SEC24D: variants seen among roughly 807,000 people sequenced by gnomAD.
The protein encoded by SEC24D is protein transport protein Sec24D.
A neutral mutation model predicts 116.9 loss-of-function variants in SEC24D; 69 were observed. The ratio of observed to expected loss-of-function variants is 0.59; its 90% CI spans 0.49 to 0.72. The LOEUF is 0.72. Ranked by LOEUF, SEC24D falls within the 30% of genes least tolerant of loss-of-function variation. SEC24D has a pLI of 0.00. For synonymous variants in SEC24D, 405 were observed against 442.8 expected, an observed-to-expected ratio of 0.91 and a Z score of 1.07; for missense variants, 1,131 against 1,264.1, an observed-to-expected ratio of 0.89 and a Z score of 1.60.
intron 13 of SEC24D, among the ~76,000 whole-genome samples, chr4:118,749,212 T>C (rs1008046629): frequency 6.6e-6 from 1 of 152,186 alleles, no homozygotes; most frequent in African/African-American, 2.4e-5. Flanking sequence ...GAGTACAAGA[T>C]GCTGTGGACA....
At chr4:118,723,783 T>C in intron 22 of SEC24D, 128 bp from the exon 23 acceptor site, 1 of 1,037,292 alleles carries the variant, frequency 9.6e-7, no homozygotes, top group Non-Finnish European at 1.4e-6. Flanking sequence ...CTATGGAGGA[T>C]GATGGGAAAG....
At chr4:118,738,961 G>C (rs1726098232) in intron 18 of SEC24D, among the ~76,000 whole-genome samples, 188 bp downstream of exon 18, 1 of 152,172 alleles carries the variant, frequency 6.6e-6, no homozygotes, top group African/African-American at 2.4e-5. Flanking sequence ...GCCAGACCCT[G>C]AACTGAGTTA....
rs117391948 is a variant in SEC24D at position 118,814,002 on chromosome 4, G to A, written c.801+1026C>T. Among the ~76,000 whole-genome samples the A allele has an allele frequency of 9.9e-4, 151 of 152,312 alleles. 1 individual carries two copies. In the East Asian group the frequency reaches 0.024, roughly 24 times the overall value. ...AACAGTAGTGCTAAGCTACTGTTTTGTAGCAGTTGGTTACACAGCATAAGT... is the reference window on the plus strand; with the variant it reads ...AACAGTAGTGCTAAGCTACTGTTTTATAGCAGTTGGTTACACAGCATAAGT... On this transcript the variant is annotated intron_variant, in intron 6 of 22. Coordinates refer to ENST00000280551, the MANE Select transcript of SEC24D (RefSeq NM_014822.4).
intron 7 of SEC24D, among the ~76,000 whole-genome samples, chr4:118,804,702 C>G (rs1017094067): frequency 2.0e-5 from 3 of 151,702 alleles, no homozygotes; most frequent in African/African-American, 7.3e-5. Flanking sequence ...GAGGAAGAAA[C>G]AAATTATTTT....
chr4:118,761,946 A>G (rs1727400278), intron 10 of SEC24D, among the ~76,000 whole-genome samples: 1 of 152,188 alleles, frequency 6.6e-6, no homozygotes, highest in Non-Finnish European at 1.5e-5. Context: ...GACATTTCTT[A>G]TCAGGTCTAT....
chr4:118,762,375 C>A (rs755832093), intron 10 of SEC24D, among the ~76,000 whole-genome samples: 5 of 152,130 alleles, frequency 3.3e-5, no homozygotes, highest in Non-Finnish European at 7.3e-5. Context: ...CTGGCACTTA[C>A]GCGGTCTCTA....
At chr4:118,827,070 T>C (rs552897769) in intron 2 of SEC24D, among the ~76,000 whole-genome samples, 3 of 152,240 alleles carry the variant, frequency 2.0e-5, no homozygotes, top group South Asian at 2.1e-4. Context: ...TTTCTTCATA[T>C]AGAAGACAGG....
At position 118,740,677 on chromosome 4, in the gene SEC24D, C is replaced by T. The variant is rs778584339; in HGVS notation, c.2224G>A (p.Gly742Arg). Residue 742 changes from glycine (G) to arginine (R), a missense_variant, in exon 17 of 23, where the codon GGA becomes AGA. Transcript: ENST00000280551. ...CTTTCAATCACCTGGATTAAGGCTC[C>T]ACTGTCTTCACTGAGTTTGTCATCG... is the stretch of plus-strand genomic sequence containing the variant. ...KHDDKLSEDS[G>R]ALIQCAVLYT... The T allele has an allele frequency of 6.2e-7, 1 of 1,613,772 alleles. No individual in the cohort carries two copies. Among genetic ancestry groups the T allele is most frequent in the Non-Finnish European group, 8.5e-7 (1 of 1,179,782 alleles).
At chr4:118,827,160 G>C (rs1730623019) in intron 2 of SEC24D, among the ~76,000 whole-genome samples, 1 of 152,174 alleles carries the variant, frequency 6.6e-6, no homozygotes, top group East Asian at 1.9e-4. Flanking sequence ...GGAAAGGCTT[G>C]GTGTGGAGAG....
intron 8 of SEC24D, among the ~76,000 whole-genome samples, chr4:118,770,777 T>G (rs1727866588): frequency 6.6e-6 from 1 of 152,204 alleles, no homozygotes; most frequent in African/African-American, 2.4e-5. Context: ...ATTCCAGTCC[T>G]GACAGATTCA....
chr4:118,817,473 T>C, intron 3 of SEC24D, 61 bp from the exon 4 acceptor site: 9 of 1,420,828 alleles, frequency 6.3e-6, no homozygotes, highest in Non-Finnish European at 8.6e-6. Context: ...TGGCGTACAA[T>C]AATGTTAATA....
chr4:118,798,603 TTA>T (rs1356063682), intron 7 of SEC24D, among the ~76,000 whole-genome samples: 1 of 152,224 alleles, frequency 6.6e-6, no homozygotes, highest in African/African-American at 2.4e-5. Flanking sequence ...CTTGCAGAGC[TTA>T]TGTTCTTGCA....
In SEC24D at chr4:118,836,007, C is replaced by G. The variant is rs1731082250; in HGVS notation, c.-108G>C. ...GGCTCTGCGCCTAGTGCCGGCAGCC[C>G]TCGGTGGCCGGGCTCCCGCTGCGGT... On this transcript the variant is annotated 5_prime_UTR_variant, in exon 1 of 23. Transcript: ENST00000280551. The G allele has an allele frequency of 6.6e-6, 1 of 152,290 alleles. No homozygotes were observed. The highest frequency in any genetic ancestry group is 2.1e-4 in the South Asian group (1 of 4,838). The allele number at this position is 152,290 out of a possible 1,614,324, so 9.4% of individuals were successfully genotyped here.
intron 2 of SEC24D, among the ~76,000 whole-genome samples, chr4:118,832,657 G>A (rs1225929170): frequency 1.3e-5 from 2 of 152,118 alleles, no homozygotes; most frequent in Non-Finnish European, 2.9e-5. Flanking sequence ...CAGACATTCA[G>A]TTTTCCTAGC....
At chr4:118,791,897 G>T (rs1728928008) in intron 8 of SEC24D, among the ~76,000 whole-genome samples, 1 of 152,178 alleles carries the variant, frequency 6.6e-6, no homozygotes, top group Non-Finnish European at 1.5e-5. Context: ...CCAGGCGCCT[G>T]CCCTGGCCTC....
chr4:118,771,976 T>C (rs1275229241), intron 8 of SEC24D, among the ~76,000 whole-genome samples: 4 of 152,310 alleles, frequency 2.6e-5, no homozygotes, highest in African/African-American at 9.6e-5. Context: ...AGAGCTCTTT[T>C]TAAAGCTCTT....
chr4:118,726,778 T>C (rs1276332589), intron 22 of SEC24D, among the ~76,000 whole-genome samples: 1 of 144,078 alleles, frequency 6.9e-6, no homozygotes, highest in African/African-American at 2.9e-5. Flanking sequence ...GGTAGAAATC[T>C]TTTTTTGTTG....
At chr4:118,784,746 C>T (rs563301360) in intron 8 of SEC24D, among the ~76,000 whole-genome samples, 152 of 151,622 alleles carry the variant, frequency 1.0e-3, no homozygotes, top group Non-Finnish European at 1.9e-3. Flanking sequence ...CCTGCCCCCC[C>T]CCCCGCCACC....
chr4:118,773,195 ATCCTAGGAC>A (rs1727987664), intron 8 of SEC24D, among the ~76,000 whole-genome samples: 1 of 151,696 alleles, frequency 6.6e-6, no homozygotes, highest in Non-Finnish European at 1.5e-5. Flanking sequence ...TGTAATCAGC[ATCCTAGGAC>A]TCTACAGTTG....
Sources: gnomAD v4.1 joint callset for allele counts (sites outside exome capture counted in the v4.1 genomes callset) on GRCh38, gnomAD v4.1.1 for gene constraint, MANE v1.5 for transcripts, NCBI Gene and HGNC (gene_info 2026-07-23, HGNC 2026-07-21) for gene names.